Variants in STK16 observed in about 807,000 individuals in gnomAD.
The protein encoded by STK16 is serine/threonine kinase 16, also known as serine/threonine-protein kinase 16.
STK16 carries 28 observed loss-of-function variants against 37.8 expected under a neutral mutation model. That is an observed-to-expected ratio of 0.74 (90% CI 0.55 to 1.02). The LOEUF (loss-of-function observed/expected upper bound fraction) is 1.02, where lower values mean the gene tolerates loss of function less well. STK16 is among the 50% of genes least tolerant of loss of function. The pLI, the probability that STK16 is intolerant of heterozygous loss-of-function variation, is 0.00. For synonymous variants in STK16, 134 were observed against 155.0 expected, an observed-to-expected ratio of 0.86 and a Z score of 1.01; for missense variants, 349 against 390.6, an observed-to-expected ratio of 0.89 and a Z score of 0.90.
rs1210522637 is a variant in STK16 at position 219,250,267 on chromosome 2, G to C, written c.*1708G>C. ...AAGGCAGCAGAAGCTCAAGCACTCA[G>C]AGGGAACAAGAAACCGTGCAAGGAA... On this transcript the variant is annotated 3_prime_UTR_variant, in exon 8 of 8. Transcript: ENST00000396738. The surrounding 1 kb of genome is among the most constrained non-coding windows in gnomAD (Gnocchi z 8.4). 32 of 1,530,028 alleles carry C rather than the reference G, an allele frequency of 2.1e-5. No homozygotes were observed. Among genetic ancestry groups the C allele is most frequent in the Non-Finnish European group, 2.8e-5 (32 of 1,136,930 alleles). The allele number at this position is 1,530,028 out of a possible 1,614,324, so 94.8% of individuals were successfully genotyped here. A position where few individuals can be genotyped will look rare whatever the true frequency, so the allele number is the denominator to read the frequency against.
rs1574878755 is a variant in STK16 at position 219,247,175 on chromosome 2, T to G, written c.369T>G (p.Asp123Glu). ...ACAAAGGCAACTTCCTGACCGAGGA[T>G]CAAATCCTTTGGCTGCTGCTGGGGA... ...LKDKGNFLTE[D>E]QILWLLLGIC... is the part of the protein sequence containing the mutation. Residue 123 changes from aspartate (D) to glutamate (E), a missense_variant, in exon 4 of 8, where the codon GAT becomes GAG. Physicochemically the swap from Asp to Glu is conservative, Grantham distance 45 (BLOSUM62 2). Coordinates refer to ENST00000396738, the MANE Select transcript of STK16 (RefSeq NM_001330213.2). 6.2e-7 allele frequency: 1 copy of G among 1,614,178 alleles called. No individual in the cohort carries two copies. Among genetic ancestry groups the G allele is most frequent in the East Asian group, 2.2e-5 (1 of 44,884 alleles).
At position 219,245,755 on chromosome 2, in the gene STK16, AAG is replaced by A; in HGVS notation, c.-145_-144del. 3.2e-6 allele frequency: 1 copy of A among 315,622 alleles called. No homozygotes were observed. The highest frequency in any genetic ancestry group is 5.7e-5 in the East Asian group (1 of 17,460). The allele number at this position is 315,622 out of a possible 1,614,324, so 19.6% of individuals were successfully genotyped here. On this transcript the variant is annotated 5_prime_UTR_variant, in exon 1 of 8. The change creates a premature stop within an existing upstream ORF in the 5' untranslated region. Coordinates refer to ENST00000396738, the MANE Select transcript of STK16 (RefSeq NM_001330213.2). ...CGTAAGGCGCCTGACCCCACCCCTG[AAG>A]CTGGCGACGGAGCAGGGCCTGTTTT...
chr2:219,246,968 C>G lies in STK16; in HGVS notation c.306+92C>G. 1 of 1,522,108 alleles carries G rather than the reference C, an allele frequency of 6.6e-7. No individual in the cohort carries two copies. Among genetic ancestry groups the G allele is most frequent in the Non-Finnish European group, 8.9e-7 (1 of 1,123,446 alleles). 94.3% of individuals were successfully genotyped at this position (1,522,108 alleles called of 1,614,324 possible). On this transcript the variant is annotated intron_variant, in intron 3 of 7. Transcript: ENST00000396738. The surrounding 1 kb of genome is among the most constrained non-coding windows in gnomAD (Gnocchi z 4.5). ...GTCCAGCATGTTAGGAAGCAGGGACCATGTCCTGGGTTTGGCCACTTTAGA... is the reference window on the plus strand; with the variant it reads ...GTCCAGCATGTTAGGAAGCAGGGACGATGTCCTGGGTTTGGCCACTTTAGA...
intron 6 of STK16, 121 bp from the exon 7 acceptor site, chr2:219,248,072 G>A: frequency 6.9e-7 from 1 of 1,456,942 alleles, no homozygotes; most frequent in Middle Eastern, 2.4e-4. Flanking sequence ...CCCTGGTGGT[G>A]CCATGTGGCT....
Position 219,248,484 on chromosome 2 carries a change from T to C in STK16, c.843T>C (p.Pro281=), listed in dbSNP as rs376275266. 6.2e-7 allele frequency: 1 copy of C among 1,613,916 alleles called. No individual in the cohort carries two copies. The highest frequency in any genetic ancestry group is 1.3e-5 in the African/African-American group (1 of 74,906). Residue 281 remains proline, a synonymous_variant, in exon 8 of 8, where the codon CCT becomes CCC. Coordinates refer to ENST00000396738, the MANE Select transcript of STK16 (RefSeq NM_001330213.2). ...TGACCGTGGACCCGCATCAGCGTCC[T>C]CACATTCCTCTCCTCCTCAGTCAGC... ...SMMTVDPHQR[P]HIPLLLSQLE...
rs1002031647 is a variant in STK16 at position 219,246,041 on chromosome 2, C to T, written c.42C>T (p.Ile14=). Residue 14 remains isoleucine, a synonymous_variant, in exon 2 of 8, where the codon ATC becomes ATT. Transcript: ENST00000396738. This position sits in a 1 kb window ranked among gnomAD's most constrained non-coding sequence, Gnocchi z 4.5. ...GTGTCTGCTCTCGGGGAACTGTCAT[C>T]ATTGACAATAAGCGCTACCTCTTCA... The part of the protein sequence containing the change: ...ALCVCSRGTV[I]IDNKRYLFIQ... 1.9e-6 allele frequency: 3 copies of T among 1,614,076 alleles called. No homozygotes were observed. The highest frequency in any genetic ancestry group is 2.2e-5 in the South Asian group (2 of 91,070).
Position 219,245,985 on chromosome 2 carries a change from G to T in STK16, c.-15G>T. On this transcript the variant is annotated 5_prime_UTR_variant, in exon 2 of 8. Coordinates refer to ENST00000396738, the MANE Select transcript of STK16 (RefSeq NM_001330213.2). ...GTAGCCTCAGACCGTCCTTGAAGAG[G>T]ATGACTGAGACATTATGGGCCACGC... The T allele has an allele frequency of 1.2e-6, 2 of 1,611,792 alleles. No homozygotes were observed. The highest frequency in any genetic ancestry group is 8.5e-7 in the Non-Finnish European group (1 of 1,178,576).
In STK16 at chr2:219,246,600, A is replaced by G; in HGVS notation, c.87-57A>G. On this transcript the variant is annotated intron_variant, in intron 2 of 7. Coordinates refer to ENST00000396738, the MANE Select transcript of STK16 (RefSeq NM_001330213.2). This position sits in a 1 kb window ranked among gnomAD's most constrained non-coding sequence, Gnocchi z 4.5. The stretch of plus-strand genomic sequence containing the variant: ...CCACTCCCCACCAGGAAATTTCTCT[A>G]GGTCCAAGCCATGTGGGAGATGACC... The G allele has an allele frequency of 6.9e-7, 1 of 1,456,982 alleles. No homozygotes were observed. Among genetic ancestry groups the G allele is most frequent in the Non-Finnish European group, 9.6e-7 (1 of 1,040,838 alleles). The allele number at this position is 1,456,982 out of a possible 1,614,324, so 90.3% of individuals were successfully genotyped here. A position where few individuals can be genotyped will look rare whatever the true frequency, so the allele number is the denominator to read the frequency against.
Position 219,247,261 on chromosome 2 carries a change from C to T in STK16, c.440+15C>T. 1.9e-6 allele frequency: 3 copies of T among 1,613,764 alleles called. No homozygotes were observed. The highest frequency in any genetic ancestry group is 2.5e-6 in the Non-Finnish European group (3 of 1,179,734). The stretch of plus-strand genomic sequence containing the variant: ...TATGCCCACAGGTCAGTGGGAGGAC[C>T]CTGTGTGCTTGCTGGGGCCCAGAGG... On this transcript the variant is annotated intron_variant, in intron 4 of 7. Coordinates refer to ENST00000396738, the MANE Select transcript of STK16 (RefSeq NM_001330213.2).
At chr2:219,248,352 C>G (rs1951582371) in intron 7 of STK16, 38 bp downstream of exon 7, 1 of 1,613,678 alleles carries the variant, frequency 6.2e-7, no homozygotes. Flanking sequence ...GTGTTTCAGA[C>G]TCCCCCCTGG....
Position 219,248,928 on chromosome 2 carries a change from G to A in STK16, c.*369G>A, listed in dbSNP as rs1279371859. The A allele has an allele frequency of 2.2e-5, 3 of 134,268 alleles. No homozygotes were observed. Among genetic ancestry groups the A allele is most frequent in the African/African-American group, 1.1e-4 (3 of 27,522 alleles). 8.3% of individuals were successfully genotyped at this position (134,268 alleles called of 1,614,324 possible). On this transcript the variant is annotated 3_prime_UTR_variant, in exon 8 of 8. Transcript: ENST00000396738. The stretch of plus-strand genomic sequence containing the variant: ...GTAGATCTTAGTCTCAGTGTTCCTG[G>A]AGTGAGAGAAGAGGTGCAAGGGGCC...
In STK16 at chr2:219,247,613, A is replaced by C. The variant is rs1315660872; in HGVS notation, c.562-49A>C. Reference sequence around the variant, plus strand: ...CTGGTGCATGTCCCAGTTTGGTCACATGACCATGACCTGTGCCCCACTTTT... The same window carrying C: ...CTGGTGCATGTCCCAGTTTGGTCACCTGACCATGACCTGTGCCCCACTTTT... On this transcript the variant is annotated intron_variant, in intron 5 of 7. Transcript: ENST00000396738. The C allele has an allele frequency of 3.7e-6, 6 of 1,613,916 alleles. No homozygotes were observed. In the East Asian group the frequency reaches 1.3e-4, roughly 36 times the overall value.
intron 6 of STK16, chr2:219,247,991 G>T (rs1030979691): frequency 3.5e-6 from 3 of 850,164 alleles, no homozygotes; most frequent in Non-Finnish European, 5.7e-6. Flanking sequence ...AGTAGTGAAG[G>T]CACTGGCTAA....
rs1037712172 is a variant in STK16, at chr2:219,246,244, C to A, written c.86+159C>A. 3.1e-6 allele frequency: 2 copies of A among 643,642 alleles called. No individual in the cohort carries two copies. The highest frequency in any genetic ancestry group is 6.1e-5 in the Admixed American group (2 of 32,984). The allele number at this position is 643,642 out of a possible 1,614,324, so 39.9% of individuals were successfully genotyped here. A position where few individuals can be genotyped will look rare whatever the true frequency, so the allele number is the denominator to read the frequency against. ...GTATCAAGAAGGTGGATTCTGGAGC[C>A]AGGCCTGCTAAATCCACCTCGTGTG... is the stretch of plus-strand genomic sequence containing the variant. On this transcript the variant is annotated intron_variant, in intron 2 of 7. Transcript: ENST00000396738. This position sits in a 1 kb window ranked among gnomAD's most constrained non-coding sequence, Gnocchi z 4.5.
In STK16 at chr2:219,247,515, C is replaced by T. The variant is rs201631436; in HGVS notation, c.541C>T (p.Arg181Cys). Reference protein sequence around the residue: ...NQACIHVEGSRQALTLQDWAA... With the variant: ...NQACIHVEGSCQALTLQDWAA... ...AGCATGCATCCATGTGGAGGGCTCCCGCCAGGCTCTGACCCTGCAGGTAAA... is the reference window on the plus strand; with the variant it reads ...AGCATGCATCCATGTGGAGGGCTCCTGCCAGGCTCTGACCCTGCAGGTAAA... The change falls in exon 5 of 8, where the codon CGC becomes TGC. Residue 181 changes from arginine to cysteine, a missense_variant. By Grantham distance (180) the Arg-to-Cys change is radical (BLOSUM62 -3). Coordinates refer to ENST00000396738, the MANE Select transcript of STK16 (RefSeq NM_001330213.2). The T allele has an allele frequency of 5.6e-5, 90 of 1,614,216 alleles. No homozygotes were observed. In the African/African-American group the frequency reaches 9.5e-4, roughly 17 times the overall value.
intron 6 of STK16, 160 bp downstream of exon 6, chr2:219,247,917 T>G: frequency 1.2e-6 from 1 of 822,894 alleles, no homozygotes; most frequent in Non-Finnish European, 2.0e-6. Flanking sequence ...ACTGATACTG[T>G]ACCCAGTTGT....
At chr2:219,247,881 C>G (rs1951572757) in intron 6 of STK16, 124 bp downstream of exon 6, 1 of 930,962 alleles carries the variant, frequency 1.1e-6, no homozygotes, top group South Asian at 1.4e-5. Flanking sequence ...TCCCCATCCA[C>G]TTCAACTTCC....
chr2:219,247,341 A>T, intron 4 of STK16, 74 bp from the exon 5 acceptor site: 1 of 1,609,776 alleles, frequency 6.2e-7, no homozygotes. Context: ...AACAGCCTGT[A>T]TGATTCTTTT....
In STK16 at chr2:219,245,986, A is replaced by T; in HGVS notation, c.-14A>T. 6.2e-7 allele frequency: 1 copy of T among 1,611,204 alleles called. No homozygotes were observed. The highest frequency in any genetic ancestry group is 1.1e-5 in the South Asian group (1 of 90,902). On this transcript the variant is annotated 5_prime_UTR_variant, in exon 2 of 8. It removes an upstream start codon present in the reference 5' UTR. Coordinates refer to ENST00000396738, the MANE Select transcript of STK16 (RefSeq NM_001330213.2). ...TAGCCTCAGACCGTCCTTGAAGAGG[A>T]TGACTGAGACATTATGGGCCACGCG...
Sources: gnomAD v4.1 joint callset for allele counts on GRCh38, gnomAD v4.1.1 for gene constraint, Gnocchi (gnomAD v3.1) non-coding constraint, MANE v1.5 for transcripts, NCBI Gene and HGNC (gene_info 2026-07-23, HGNC 2026-07-21) for gene names.